The following ATF2 variants were observed in gnomAD, a reference collection of about 807,000 sequenced individuals.
The protein encoded by ATF2 is activating transcription factor 2.
ATF2 carries 24 observed loss-of-function variants against 60.6 expected under a neutral mutation model. The observed-to-expected ratio is 0.40, with a 90% CI of 0.29 to 0.56. The LOEUF is 0.56. ATF2 is among the 20% of genes least tolerant of loss of function. ATF2 has a pLI of 0.54. For missense variants in ATF2, 433 were observed against 607.7 expected, an observed-to-expected ratio of 0.71 and a Z score of 3.02; for synonymous variants, 206 against 215.4, an observed-to-expected ratio of 0.96 and a Z score of 0.38.
At chr2:175,132,140 A>T (rs1472431332) in intron 3 of ATF2, among the ~76,000 whole-genome samples, 1 of 152,210 alleles carries the variant, frequency 6.6e-6, no homozygotes, top group Non-Finnish European at 1.5e-5. Flanking sequence ...TGAGAATTTT[A>T]AAAAGGTAAA....
chr2:175,121,549 A>G lies in ATF2; in HGVS notation c.103-9T>C. The G allele has an allele frequency of 6.3e-7, 1 of 1,582,740 alleles. No homozygotes were observed. Among genetic ancestry groups the G allele is most frequent in the East Asian group, 2.3e-5 (1 of 44,170 alleles). ...TCCTCGTTGGTAAAACGCTGTGGCAAAAAGTTTTAAAATATAGTTAAGATT... is the reference window on the plus strand; with the variant it reads ...TCCTCGTTGGTAAAACGCTGTGGCAGAAAGTTTTAAAATATAGTTAAGATT... On this transcript the variant is annotated splice_polypyrimidine_tract_variant and intron_variant, in intron 4 of 13. Transcript: ENST00000264110.
chr2:175,134,479 G>C (rs1010300194), intron 3 of ATF2, among the ~76,000 whole-genome samples: 2 of 151,074 alleles, frequency 1.3e-5, no homozygotes, highest in Admixed American at 6.6e-5. Context: ...ACCAGTAAGG[G>C]CTTGACAGAC....
At chr2:175,094,857 T>C (rs1265054296) in intron 11 of ATF2, among the ~76,000 whole-genome samples, 1 of 152,078 alleles carries the variant, frequency 6.6e-6, no homozygotes, top group African/African-American at 2.4e-5. Flanking sequence ...GGGAGAGGAT[T>C]GCTTGAGCCT....
intron 10 of ATF2, among the ~76,000 whole-genome samples, chr2:175,108,340 C>T (rs78910563): frequency 0.038 from 5,725 of 151,456 alleles, 123 homozygotes; most frequent in Admixed American, 0.093. Context: ...AACCCCCGCC[C>T]GGCCAGCCGC....
At chr2:175,116,580 T>G (rs1176557282) in intron 7 of ATF2, among the ~76,000 whole-genome samples, 1 of 151,956 alleles carries the variant, frequency 6.6e-6, no homozygotes, top group African/African-American at 2.4e-5. Flanking sequence ...TATGTAGATG[T>G]TTATTAAAGT....
intron 4 of ATF2, among the ~76,000 whole-genome samples, chr2:175,128,325 A>AC (rs1697489184): frequency 1.3e-5 from 2 of 152,136 alleles, no homozygotes; most frequent in African/African-American, 4.8e-5. Flanking sequence ...ACATGAAGAA[A>AC]CCCCATCTCT....
intron 2 of ATF2, among the ~76,000 whole-genome samples, chr2:175,146,431 C>T (rs1333635985): frequency 6.6e-6 from 1 of 152,176 alleles, no homozygotes; most frequent in Non-Finnish European, 1.5e-5. Context: ...CTTTCATGGA[C>T]ATATTGTGAT....
intron 10 of ATF2, among the ~76,000 whole-genome samples, chr2:175,098,833 C>A (rs1695114990): frequency 6.6e-6 from 1 of 150,998 alleles, no homozygotes; most frequent in Non-Finnish European, 1.5e-5. Flanking sequence ...TCTTCCTTTT[C>A]ATCTAGGCCT....
At chr2:175,126,739 G>C (rs1305670828) in intron 4 of ATF2, 5 of 152,220 alleles carry the variant, frequency 3.3e-5, no homozygotes, top group Non-Finnish European at 5.9e-5. Context: ...AATCAGGAAA[G>C]GGCTTTTTTG....
intron 4 of ATF2, among the ~76,000 whole-genome samples, chr2:175,125,503 A>C (rs1289216924): frequency 2.0e-5 from 3 of 152,114 alleles, no homozygotes; most frequent in African/African-American, 7.2e-5. Context: ...GAGTATAAAA[A>C]ATTGATTTAG....
chr2:175,147,872 T>C (rs957431244), intron 2 of ATF2: 2 of 152,084 alleles, frequency 1.3e-5, no homozygotes, highest in Admixed American at 6.6e-5. Flanking sequence ...TCTGCCAACA[T>C]TGGAGAAAAG....
intron 10 of ATF2, among the ~76,000 whole-genome samples, chr2:175,106,569 C>T (rs978169082): frequency 1.3e-5 from 2 of 151,536 alleles, no homozygotes; most frequent in Non-Finnish European, 2.9e-5. Flanking sequence ...GGTGCAGTGA[C>T]TCACGCCTGT....
chr2:175,087,692 C>T (rs1008842718), intron 12 of ATF2, among the ~76,000 whole-genome samples: 2 of 152,086 alleles, frequency 1.3e-5, no homozygotes, highest in Admixed American at 1.3e-4. Flanking sequence ...ATGTTTAAGC[C>T]TCACAAAAGG....
intron 2 of ATF2, among the ~76,000 whole-genome samples, chr2:175,139,675 A>G (rs1451085448): frequency 6.6e-6 from 1 of 151,918 alleles, no homozygotes; most frequent in Admixed American, 6.6e-5. Flanking sequence ...AAAAAAAAAA[A>G]AAAAGAAAAG....
chr2:175,080,604 T>C, intron 13 of ATF2, 56 bp downstream of exon 13: 1 of 1,357,856 alleles, frequency 7.4e-7, no homozygotes, highest in Non-Finnish European at 1.0e-6. Flanking sequence ...CTCAGTTCAC[T>C]CTGACGGTAT....
At chr2:175,124,213 G>C (rs992450975) in intron 4 of ATF2, among the ~76,000 whole-genome samples, 4 of 149,522 alleles carry the variant, frequency 2.7e-5, no homozygotes, top group African/African-American at 9.9e-5. Context: ...GATATACAAA[G>C]AAACACAAGT....
chr2:175,082,860 C>A (rs943720191), intron 12 of ATF2, among the ~76,000 whole-genome samples: 1 of 152,166 alleles, frequency 6.6e-6, no homozygotes, highest in Non-Finnish European at 1.5e-5. Context: ...AGTGTCAACT[C>A]AGAACAGTTT....
At chr2:175,149,139 T>G (rs1438172729) in intron 2 of ATF2, among the ~76,000 whole-genome samples, 1 of 152,180 alleles carries the variant, frequency 6.6e-6, no homozygotes, top group Non-Finnish European at 1.5e-5. Context: ...GAAAGGCCTT[T>G]AATAACATGG....
At chr2:175,088,061 A>G (rs934328664) in intron 12 of ATF2, among the ~76,000 whole-genome samples, 2 of 152,190 alleles carry the variant, frequency 1.3e-5, no homozygotes, top group African/African-American at 4.8e-5. Flanking sequence ...TGTAGTTACA[A>G]CACTGTTCTA....
Sources: allele counts gnomAD v4.1 joint callset (sites outside exome capture counted in the v4.1 genomes callset), GRCh38; gene constraint gnomAD v4.1.1; transcripts MANE v1.5; gene names NCBI Gene and HGNC (gene_info 2026-07-23, HGNC 2026-07-21).